The following DNM3 variants were observed in gnomAD, a reference collection of about 807,000 sequenced individuals.
The protein encoded by DNM3 is dynamin 3.
A neutral mutation model predicts 101.6 loss-of-function variants in DNM3; 47 were observed. That is an observed-to-expected ratio of 0.46 (90% CI 0.37 to 0.59). The LOEUF is 0.59. Ranked by LOEUF, DNM3 falls within the 20% of genes least tolerant of loss-of-function variation. The pLI, the probability that DNM3 is intolerant of heterozygous loss-of-function variation, is 0.00. For missense variants in DNM3, 849 were observed against 1,085.7 expected, an observed-to-expected ratio of 0.78 and a Z score of 3.06; for synonymous variants, 385 against 387.9, an observed-to-expected ratio of 0.99 and a Z score of 0.09.
intron 15 of DNM3, chr1:172,289,684 A>T (rs1314129217): frequency 1.0e-6 from 1 of 984,712 alleles, no homozygotes; most frequent in African/African-American, 1.7e-5. Flanking sequence ...AATAAAGTGT[A>T]CCTGATTGTG....
intron 4 of DNM3, among the ~76,000 whole-genome samples, chr1:171,992,775 A>G (rs1238853331): frequency 2.0e-5 from 3 of 151,822 alleles, no homozygotes; most frequent in East Asian, 1.9e-4. Flanking sequence ...TGTATGTCCT[A>G]TGTCTTTTTG....
chr1:172,263,104 C>T (rs558253458), intron 15 of DNM3, among the ~76,000 whole-genome samples: 1 of 152,088 alleles, frequency 6.6e-6, no homozygotes, highest in Non-Finnish European at 1.5e-5. Flanking sequence ...AATGAAGTGG[C>T]CTTTCATTAT....
At position 171,969,379 on chromosome 1, in the gene DNM3, G is replaced by A. The variant is rs183493709; in HGVS notation, c.236-18277G>A. 6.0e-3 allele frequency among the ~76,000 whole-genome samples: 915 copies of A among 152,282 alleles called. 9 individuals carry two copies. The highest frequency in any genetic ancestry group is 0.011 in the Non-Finnish European group (717 of 68,028). ...GCACAAAGAACAATGATAAATCATA[G>A]TCAGGATGAAGTTCCTGTGAGCTCT... On this transcript the variant is annotated intron_variant, in intron 2 of 20. Transcript: ENST00000627582.
chr1:171,979,130 G>C (rs1026666818), intron 2 of DNM3, among the ~76,000 whole-genome samples: 12 of 152,134 alleles, frequency 7.9e-5, no homozygotes, highest in African/African-American at 2.9e-4. Context: ...CATGGAGAAA[G>C]AGCAATCAGT....
chr1:172,278,041 GCC>G (rs1285051019), intron 15 of DNM3, among the ~76,000 whole-genome samples: 1 of 152,032 alleles, frequency 6.6e-6, no homozygotes, highest in Non-Finnish European at 1.5e-5. Context: ...AAACCTCTCT[GCC>G]TTTCCTGATG....
At chr1:171,891,112 A>G (rs1400616880) in intron 1 of DNM3, among the ~76,000 whole-genome samples, 2 of 152,212 alleles carry the variant, frequency 1.3e-5, no homozygotes, top group Non-Finnish European at 2.9e-5. Context: ...AGTCTACCTG[A>G]GAGAGGAAGA....
intron 10 of DNM3, among the ~76,000 whole-genome samples, chr1:172,056,194 G>T (rs564518028): frequency 1.4e-4 from 22 of 152,204 alleles, no homozygotes; most frequent in Non-Finnish European, 2.5e-4. Context: ...AGGGTCCTAC[G>T]CCCACGGAAT....
At chr1:171,990,069 T>C (rs1197647501) in intron 4 of DNM3, among the ~76,000 whole-genome samples, 2 of 152,130 alleles carry the variant, frequency 1.3e-5, no homozygotes, top group Admixed American at 1.3e-4. Flanking sequence ...TATTTTTACT[T>C]TGTGAATCTT....
chr1:172,078,238 A>G (rs1572408294), intron 11 of DNM3, among the ~76,000 whole-genome samples: 1 of 151,990 alleles, frequency 6.6e-6, no homozygotes, highest in African/African-American at 2.4e-5. Flanking sequence ...GATTACAGGC[A>G]CCTGCCACCA....
At chr1:172,169,030 G>A (rs1289055165) in intron 14 of DNM3, among the ~76,000 whole-genome samples, 1 of 151,956 alleles carries the variant, frequency 6.6e-6, no homozygotes, top group Non-Finnish European at 1.5e-5. Context: ...GGTGAAAATA[G>A]TAGTAGTCTT....
intron 14 of DNM3, among the ~76,000 whole-genome samples, chr1:172,227,604 C>G (rs1243698580): frequency 6.6e-6 from 1 of 152,004 alleles, no homozygotes; most frequent in Non-Finnish European, 1.5e-5. Flanking sequence ...TGTCTTTTGA[C>G]TTTTTAATAA....
At chr1:172,216,054 C>G (rs371458362) in intron 14 of DNM3, among the ~76,000 whole-genome samples, 1 of 147,198 alleles carries the variant, frequency 6.8e-6, no homozygotes, top group Non-Finnish European at 1.5e-5. Context: ...TAGAACAAAG[C>G]TGCAGACATA....
chr1:172,171,917 T>A (rs1010855909), intron 14 of DNM3, among the ~76,000 whole-genome samples: 3 of 151,628 alleles, frequency 2.0e-5, no homozygotes, highest in Non-Finnish European at 4.4e-5. Context: ...GGATGGGGGA[T>A]TATATTCCAG....
chr1:171,842,839 G>T (rs2031477666), intron 1 of DNM3, among the ~76,000 whole-genome samples: 1 of 152,172 alleles, frequency 6.6e-6, no homozygotes, highest in Admixed American at 6.5e-5. Flanking sequence ...TACCTTAATG[G>T]CCTTGCCTGA....
intron 12 of DNM3, among the ~76,000 whole-genome samples, chr1:172,084,900 TA>T (rs967769384): frequency 9.2e-5 from 14 of 152,234 alleles, no homozygotes; most frequent in African/African-American, 3.4e-4. Context: ...TCTAATTTTT[TA>T]AAAAATGAAA....
intron 4 of DNM3, among the ~76,000 whole-genome samples, chr1:172,031,533 C>T (rs1427541695): frequency 1.3e-5 from 2 of 152,164 alleles, no homozygotes; most frequent in Non-Finnish European, 2.9e-5. Flanking sequence ...CAGATCTACA[C>T]ATTCTGCACT....
intron 14 of DNM3, among the ~76,000 whole-genome samples, chr1:172,230,585 A>C (rs2061296797): frequency 6.6e-6 from 1 of 152,174 alleles, no homozygotes. Flanking sequence ...ACAAAATTAG[A>C]ATGTTCCTTC....
chr1:172,239,795 T>A (rs1462497966), intron 14 of DNM3, among the ~76,000 whole-genome samples: 1 of 50,400 alleles, frequency 2.0e-5, no homozygotes. Context: ...TGTCTTTTTT[T>A]TTCTCTTTTT....
chr1:172,196,619 T>C (rs2059959054), intron 14 of DNM3, among the ~76,000 whole-genome samples: 1 of 152,134 alleles, frequency 6.6e-6, no homozygotes, highest in African/African-American at 2.4e-5. Context: ...TGAGATGTTA[T>C]CTCATTGTGA....
Sources: allele counts gnomAD v4.1 joint callset (sites outside exome capture counted in the v4.1 genomes callset), GRCh38; gene constraint gnomAD v4.1.1; transcripts MANE v1.5; gene names NCBI Gene and HGNC (gene_info 2026-07-23, HGNC 2026-07-21).